The following GALNTL5 variants were observed in gnomAD, a reference collection of about 807,000 sequenced individuals.
GALNTL5 encodes the protein polypeptide N-acetylgalactosaminyltransferase like 5.
A neutral mutation model predicts 51.0 loss-of-function variants in GALNTL5; 44 were observed. That is an observed-to-expected ratio of 0.86 (90% CI 0.68 to 1.11). The LOEUF is 1.11. Ranked by LOEUF, GALNTL5 falls within the 50% of genes least tolerant of loss-of-function variation. The probability of loss-of-function intolerance (pLI) is 0.00; values close to 1 mark genes in which losing one functional copy is unlikely to be tolerated. For missense variants in GALNTL5, 528 were observed against 531.8 expected (o/e 0.99, Z 0.07); for synonymous variants, 192 against 182.8 (o/e 1.05, Z -0.41).
chr7:151,976,908 T>TC (rs1198005353), intron 3 of GALNTL5, among the ~76,000 whole-genome samples: 3 of 152,140 alleles, frequency 2.0e-5, no homozygotes, highest in Non-Finnish European at 4.4e-5. Flanking sequence ...CCTCAGGTGA[T>TC]CCAACCACCT....
intron 4 of GALNTL5, 41 bp from the exon 5 acceptor site, chr7:151,987,118 G>A: frequency 6.6e-7 from 1 of 1,516,506 alleles, no homozygotes. Flanking sequence ...AATTTCTATA[G>A]TTGCCGTTTA....
intron 2 of GALNTL5, among the ~76,000 whole-genome samples, chr7:151,968,193 G>T (rs2081084044): frequency 6.6e-6 from 1 of 152,098 alleles, no homozygotes; most frequent in East Asian, 1.9e-4. Context: ...CAGCTACTTG[G>T]AGAGCTGAGG....
chr7:151,961,276 C>A (rs1297746735), intron 1 of GALNTL5, among the ~76,000 whole-genome samples: 3 of 151,744 alleles, frequency 2.0e-5, no homozygotes, highest in African/African-American at 7.3e-5. Context: ...CCAAGGCAGG[C>A]AGATTGCTTG....
chr7:151,995,669 A>AT (rs150926941), intron 5 of GALNTL5, among the ~76,000 whole-genome samples: 11,296 of 151,444 alleles, frequency 0.075, 853 homozygotes, highest in East Asian at 0.32. Flanking sequence ...CATCACCTAC[A>AT]TTTTTTTTGG....
chr7:152,011,365 G>A (rs577989642), intron 7 of GALNTL5, among the ~76,000 whole-genome samples: 1 of 152,364 alleles, frequency 6.6e-6, no homozygotes, highest in East Asian at 1.9e-4. Flanking sequence ...TGGTAACTGA[G>A]CTTCAACATG....
intron 1 of GALNTL5, among the ~76,000 whole-genome samples, chr7:151,965,429 A>G (rs2081047517): frequency 6.6e-6 from 1 of 152,236 alleles, no homozygotes; most frequent in Non-Finnish European, 1.5e-5. Context: ...AAACCTCGCA[A>G]GACTTTCTTC....
At chr7:151,997,505 G>C (rs560782252) in intron 5 of GALNTL5, among the ~76,000 whole-genome samples, 1 of 152,192 alleles carries the variant, frequency 6.6e-6, no homozygotes, top group Non-Finnish European at 1.5e-5. Context: ...AATATTTTAT[G>C]ATGAGTGAAA....
chr7:151,980,737 A>ATTTTTT (rs61288964), intron 3 of GALNTL5, among the ~76,000 whole-genome samples: 3 of 98,958 alleles, frequency 3.0e-5, no homozygotes, highest in African/African-American at 4.7e-5. Context: ...GCTAACAATG[A>ATTTTTT]TTTTTTTTTT....
Position 151,974,059 on chromosome 7 carries a change from C to T in GALNTL5, c.368+2994C>T, listed in dbSNP as rs138600741. On this transcript the variant is annotated intron_variant, in intron 3 of 8. Transcript: ENST00000392800. ...CATGATTATAAGTTTCCTGAGGCCT[C>T]CCCAACCATGTGGAACTGTGGTCAA... is the stretch of plus-strand genomic sequence containing the variant. Among the ~76,000 whole-genome samples the T allele has an allele frequency of 4.3e-3, 649 of 152,308 alleles. 8 individuals carry two copies. Among genetic ancestry groups the T allele is most frequent in the African/African-American group, 0.015 (621 of 41,556 alleles).
intron 1 of GALNTL5, among the ~76,000 whole-genome samples, chr7:151,961,031 A>G (rs1384706684): frequency 6.6e-6 from 1 of 152,102 alleles, no homozygotes; most frequent in African/African-American, 2.4e-5. Context: ...TAAGGTCAAA[A>G]CCGTAGAAGT....
chr7:151,991,698 G>A (rs564631991), intron 5 of GALNTL5, among the ~76,000 whole-genome samples: 1 of 152,210 alleles, frequency 6.6e-6, no homozygotes, highest in African/African-American at 2.4e-5. Context: ...CTCTTGATTA[G>A]TACAGCTTGA....
intron 5 of GALNTL5, 92 bp from the exon 6 acceptor site, chr7:152,002,622 C>T: frequency 7.2e-7 from 1 of 1,380,698 alleles, no homozygotes; most frequent in South Asian, 1.3e-5. Context: ...ATAGTAAATG[C>T]TCAAGAAATA....
At chr7:152,019,113 C>T (rs944906173) in intron 8 of GALNTL5, among the ~76,000 whole-genome samples, 1 of 152,188 alleles carries the variant, frequency 6.6e-6, no homozygotes, top group Non-Finnish European at 1.5e-5. Context: ...CATGCTCGCC[C>T]AGGGGCTTTG....
At chr7:151,961,376 G>A (rs929620407) in intron 1 of GALNTL5, among the ~76,000 whole-genome samples, 2 of 152,082 alleles carry the variant, frequency 1.3e-5, no homozygotes, top group African/African-American at 4.8e-5. Flanking sequence ...GTGTGGTGGT[G>A]GGCACCCGTA....
At chr7:151,979,614 C>T (rs1210330350) in intron 3 of GALNTL5, among the ~76,000 whole-genome samples, 1 of 151,820 alleles carries the variant, frequency 6.6e-6, no homozygotes. Context: ...CACCCGCCAC[C>T]ACGGCTAATT....
At chr7:151,996,365 C>A (rs1000640168) in intron 5 of GALNTL5, among the ~76,000 whole-genome samples, 21 of 151,954 alleles carry the variant, frequency 1.4e-4, no homozygotes, top group Non-Finnish European at 2.2e-4. Flanking sequence ...CCACTCCCCC[C>A]ACCCCACAAC....
chr7:151,964,317 C>G (rs112083331), intron 1 of GALNTL5, among the ~76,000 whole-genome samples: 74 of 152,288 alleles, frequency 4.9e-4, no homozygotes, highest in Non-Finnish European at 9.8e-4. Flanking sequence ...GGACACAGTT[C>G]CGTTCATTGC....
Position 152,019,891 on chromosome 7 carries a change from T to C in GALNTL5, c.*90T>C. 9.2e-7 allele frequency: 1 copy of C among 1,088,068 alleles called. No individual in the cohort carries two copies. The highest frequency in any genetic ancestry group is 1.3e-6 in the Non-Finnish European group (1 of 764,776). The allele number at this position is 1,088,068 out of a possible 1,614,324, so 67.4% of individuals were successfully genotyped here. A position where few individuals can be genotyped will look rare whatever the true frequency, so the allele number is the denominator to read the frequency against. Reference sequence around the variant, plus strand: ...ACAAGAGTGTAAGTTTGGAACATCGTGGAATTACGTGAAATGCAATTAAAA... The same window carrying C: ...ACAAGAGTGTAAGTTTGGAACATCGCGGAATTACGTGAAATGCAATTAAAA... On this transcript the variant is annotated 3_prime_UTR_variant, in exon 9 of 9. Coordinates refer to ENST00000392800, the MANE Select transcript of GALNTL5 (RefSeq NM_145292.4).
chr7:152,019,132 T>C (rs1175782135), intron 8 of GALNTL5, among the ~76,000 whole-genome samples: 2 of 152,164 alleles, frequency 1.3e-5, no homozygotes, highest in African/African-American at 2.4e-5. Flanking sequence ...TGCATGTCCC[T>C]ATTAGACTGT....
Sources: gnomAD v4.1 joint callset for allele counts (sites outside exome capture counted in the v4.1 genomes callset) on GRCh38, gnomAD v4.1.1 for gene constraint, MANE v1.5 for transcripts, NCBI Gene and HGNC (gene_info 2026-07-23, HGNC 2026-07-21) for gene names.